The following COL4A2 variants were observed in gnomAD, a reference collection of about 807,000 sequenced individuals.
COL4A2 encodes collagen type IV alpha 2 chain.
COL4A2 carries 99 observed loss-of-function variants against 200.2 expected under a neutral mutation model. That is an observed-to-expected ratio of 0.49 (90% CI 0.42 to 0.58). COL4A2 has a LOEUF of 0.58. COL4A2 is among the 20% of genes least tolerant of loss of function. The probability of loss-of-function intolerance (pLI) is 0.00; values close to 1 mark genes in which losing one functional copy is unlikely to be tolerated. For synonymous variants in COL4A2, 897 were observed against 900.6 expected (o/e 1.00, Z 0.07); for missense variants, 1,950 against 2,314.1 (o/e 0.84, Z 3.23).
intron 4 of COL4A2, among the ~76,000 whole-genome samples, chr13:110,401,994 C>T (rs1879388314): frequency 6.6e-6 from 1 of 152,176 alleles, no homozygotes; most frequent in Non-Finnish European, 1.5e-5. Context: ...TCAATACCAG[C>T]AGATTGGGGA....
In COL4A2 at chr13:110,492,922, G is replaced by A. The variant is rs138716833; in HGVS notation, c.3563-289G>A. 6.6e-3 allele frequency among the ~76,000 whole-genome samples: 1,010 copies of A among 152,302 alleles called. 11 individuals carry two copies. Among genetic ancestry groups the A allele is most frequent in the African/African-American group, 0.022 (918 of 41,566 alleles). Reference sequence around the variant, plus strand: ...CTATTTGTGGGGCTTTAGCAGGATTGTATGGGTGACAGTATCAGGTGACAG... The same window carrying A: ...CTATTTGTGGGGCTTTAGCAGGATTATATGGGTGACAGTATCAGGTGACAG... On this transcript the variant is annotated intron_variant, in intron 38 of 47. Transcript: ENST00000360467.
chr13:110,484,026 T>A (rs1055210210), intron 32 of COL4A2, among the ~76,000 whole-genome samples: 4 of 152,204 alleles, frequency 2.6e-5, no homozygotes, highest in Non-Finnish European at 4.4e-5. Flanking sequence ...TCATTTTTTT[T>A]AAGATTTTTA....
At position 110,508,360 on chromosome 13, in the gene COL4A2, C is replaced by G. The variant is rs1883962063; in HGVS notation, c.4881+139C>G. On this transcript the variant is annotated intron_variant, in intron 47 of 47. Transcript: ENST00000360467. The surrounding 1 kb of genome is among the most constrained non-coding windows in gnomAD (Gnocchi z 6.1). The stretch of plus-strand genomic sequence containing the variant: ...AAGGGTAGTTGGCCCAGGAAGCGAG[C>G]GAGAGCTGGAACACAGCTTACACTT... 2 of 1,358,430 alleles carry G rather than the reference C, an allele frequency of 1.5e-6. No individual in the cohort carries two copies. Among genetic ancestry groups the G allele is most frequent in the African/African-American group, 1.4e-5 (1 of 69,248 alleles). The allele number at this position is 1,358,430 out of a possible 1,614,324, so 84.1% of individuals were successfully genotyped here. A position where few individuals can be genotyped will look rare whatever the true frequency, so the allele number is the denominator to read the frequency against.
chr13:110,373,241 A>C (rs894178145), intron 4 of COL4A2, among the ~76,000 whole-genome samples: 1 of 152,244 alleles, frequency 6.6e-6, no homozygotes, highest in Non-Finnish European at 1.5e-5. Context: ...CCACCCAACC[A>C]GTACCAACTG....
intron 3 of COL4A2, among the ~76,000 whole-genome samples, chr13:110,327,720 T>G (rs1875693965): frequency 6.6e-6 from 1 of 152,146 alleles, no homozygotes; most frequent in African/African-American, 2.4e-5. Context: ...CCCCAACAGC[T>G]CCAGAGAAAT....
intron 24 of COL4A2, among the ~76,000 whole-genome samples, chr13:110,464,085 A>G (rs1207963938): frequency 6.6e-6 from 1 of 151,824 alleles, no homozygotes; most frequent in Non-Finnish European, 1.5e-5. Context: ...TCATGTGTGT[A>G]TGTGTGTGGT....
intron 45 of COL4A2, among the ~76,000 whole-genome samples, chr13:110,505,224 C>T (rs1485728576): frequency 1.3e-5 from 2 of 152,024 alleles, no homozygotes; most frequent in African/African-American, 2.4e-5. Flanking sequence ...GTGGCGGGCG[C>T]CAGTAGTCCC....
At chr13:110,505,349 C>CA (rs1203998407) in intron 45 of COL4A2, among the ~76,000 whole-genome samples, 280 of 136,826 alleles carry the variant, frequency 2.0e-3, no homozygotes, top group African/African-American at 4.6e-3. Context: ...GACTCCGTCT[C>CA]AAAAAAAAAA....
rs140348113 is a variant in COL4A2, at chr13:110,365,747, C to G, written c.180+8195C>G. Among the ~76,000 whole-genome samples, 226 of 152,338 alleles carry G rather than the reference C, an allele frequency of 1.5e-3. 1 individual carries two copies. Among genetic ancestry groups the G allele is most frequent in the African/African-American group, 5.2e-3 (217 of 41,590 alleles). On this transcript the variant is annotated intron_variant, in intron 4 of 47. Transcript: ENST00000360467. ...CCCGGTTCATTGACTCCTTCCTTCT[C>G]TTACACCAGTGCCTTACATGCAGTT...
chr13:110,504,974 G>GA lies in COL4A2; in HGVS notation c.4402+721dup, dbSNP rs537837446. On this transcript the variant is annotated intron_variant, in intron 45 of 47. Transcript: ENST00000360467. ...TAGGCCAGGAATAACAGCTATTCAT[G>GA]AAAAAAAAAAACCTCAAAATTTGTC... is the stretch of plus-strand genomic sequence containing the variant. Among the ~76,000 whole-genome samples, 806 of 144,952 alleles carry GA rather than the reference G, an allele frequency of 5.6e-3. 5 individuals carry two copies. The highest frequency in any genetic ancestry group is 0.017 in the African/African-American group (685 of 39,792).
At chr13:110,402,029 G>C (rs1398202454) in intron 4 of COL4A2, among the ~76,000 whole-genome samples, 1 of 152,108 alleles carries the variant, frequency 6.6e-6, no homozygotes, top group East Asian at 1.9e-4. Context: ...ATGAATTTTG[G>C]AGGGACACAT....
chr13:110,469,931 AT>A (rs1411983146), intron 28 of COL4A2, among the ~76,000 whole-genome samples: 1 of 31,238 alleles, frequency 3.2e-5, no homozygotes, highest in Non-Finnish European at 7.2e-5. Context: ...TTTTTTTTTA[AT>A]GAAATGGAAT....
At chr13:110,313,443 C>T (rs997392385) in intron 3 of COL4A2, among the ~76,000 whole-genome samples, 16 of 151,958 alleles carry the variant, frequency 1.1e-4, no homozygotes, top group African/African-American at 3.1e-4. Flanking sequence ...GAGCAGCCGG[C>T]GTCCACCCGG....
At chr13:110,325,733 CAAG>C (rs1374187351) in intron 3 of COL4A2, among the ~76,000 whole-genome samples, 3 of 152,014 alleles carry the variant, frequency 2.0e-5, no homozygotes, top group Non-Finnish European at 2.9e-5. Flanking sequence ...TGTGCATTGT[CAAG>C]GAGGAGAAAC....
At chr13:110,379,260 A>C (rs987044544) in intron 4 of COL4A2, among the ~76,000 whole-genome samples, 3 of 152,200 alleles carry the variant, frequency 2.0e-5, no homozygotes, top group African/African-American at 7.2e-5. Context: ...AAGAAGAATT[A>C]TCTGGTGCAG....
At chr13:110,442,112 AAAAG>A (rs1286382440) in intron 16 of COL4A2, among the ~76,000 whole-genome samples, 4 of 148,402 alleles carry the variant, frequency 2.7e-5, no homozygotes, top group Admixed American at 1.4e-4. Flanking sequence ...AAAAAAAAAA[AAAAG>A]GGCAGTTCCA....
intron 3 of COL4A2, among the ~76,000 whole-genome samples, chr13:110,331,471 T>C (rs890829725): frequency 6.6e-6 from 1 of 152,226 alleles, no homozygotes; most frequent in Admixed American, 6.5e-5. Context: ...CCTTGGCCCA[T>C]GCAGACTCAC....
At chr13:110,495,490 A>G (rs1401081772) in intron 40 of COL4A2, 23 bp downstream of exon 40, 1 of 1,607,240 alleles carries the variant, frequency 6.2e-7, no homozygotes, top group Non-Finnish European at 8.5e-7. Flanking sequence ...ATTCCAAGCC[A>G]ACATTGCCGT....
intron 3 of COL4A2, among the ~76,000 whole-genome samples, chr13:110,333,896 T>C (rs1248045658): frequency 6.6e-6 from 1 of 152,234 alleles, no homozygotes; most frequent in Admixed American, 6.5e-5. Flanking sequence ...AAGTGACCTT[T>C]AGATTAACCC....
Sources: allele counts gnomAD v4.1 joint callset (sites outside exome capture counted in the v4.1 genomes callset), GRCh38; gene constraint gnomAD v4.1.1; non-coding constraint Gnocchi (gnomAD v3.1); transcripts MANE v1.5; gene names NCBI Gene and HGNC (gene_info 2026-07-23, HGNC 2026-07-21).